Variants in LRRC7 observed in about 807,000 individuals in gnomAD.
LRRC7 encodes the protein leucine rich repeat containing 7, also known as leucine-rich repeat-containing protein 7.
Under a neutral mutation model 175.7 loss-of-function variants are expected in LRRC7, and 23 were observed. That is an observed-to-expected ratio of 0.13 (90% CI 0.09 to 0.19). LRRC7 has a LOEUF of 0.19. LRRC7 is among the 10% of genes least tolerant of loss of function. The pLI is 1.00. For missense variants in LRRC7, 1,354 were observed against 1,904.7 expected, an observed-to-expected ratio of 0.71 and a Z score of 5.38; for synonymous variants, 685 against 680.9, an observed-to-expected ratio of 1.01 and a Z score of -0.09.
At chr1:69,717,639 T>C (rs1487848679) in intron 2 of LRRC7, among the ~76,000 whole-genome samples, 1 of 151,410 alleles carries the variant, frequency 6.6e-6, no homozygotes, top group Non-Finnish European at 1.5e-5. Context: ...TTGGGCCAAC[T>C]TCATATTGAG....
intron 2 of LRRC7, among the ~76,000 whole-genome samples, chr1:69,695,920 A>T (rs967270433): frequency 6.6e-6 from 1 of 152,210 alleles, no homozygotes; most frequent in Non-Finnish European, 1.5e-5. Context: ...TGGGTGCCCA[A>T]GCAGAAACCT....
intron 3 of LRRC7, among the ~76,000 whole-genome samples, chr1:69,785,132 T>C (rs904951146): frequency 6.6e-6 from 1 of 152,164 alleles, no homozygotes; most frequent in Non-Finnish European, 1.5e-5. Context: ...TAGTCAATTA[T>C]TGAAAAATGT....
At chr1:69,778,843 T>C (rs1673119017) in intron 3 of LRRC7, among the ~76,000 whole-genome samples, 1 of 151,702 alleles carries the variant, frequency 6.6e-6, no homozygotes, top group Non-Finnish European at 1.5e-5. Context: ...TCATGACTGA[T>C]CAGGGCATAG....
intron 25 of LRRC7, among the ~76,000 whole-genome samples, chr1:70,097,342 A>T (rs1468797717): frequency 6.6e-6 from 1 of 152,204 alleles, no homozygotes; most frequent in Non-Finnish European, 1.5e-5. Flanking sequence ...GAATAAAACC[A>T]TATTAAACCT....
At chr1:69,718,144 G>GAAAGAAAGAAAGAAAGA (rs1665907548) in intron 2 of LRRC7, among the ~76,000 whole-genome samples, 1 of 96,436 alleles carries the variant, frequency 1.0e-5, no homozygotes, top group Non-Finnish European at 2.2e-5. Context: ...GAAAGAGAGA[G>GAAAGAAAGAAAGAAAGA]AAAGAAAGAA....
At chr1:69,943,080 T>C (rs577655341) in intron 8 of LRRC7, among the ~76,000 whole-genome samples, 1 of 152,232 alleles carries the variant, frequency 6.6e-6, no homozygotes, top group Non-Finnish European at 1.5e-5. Context: ...AGCCAGAAGA[T>C]TGGACAGCCC....
At position 69,792,075 on chromosome 1, in the gene LRRC7, A is replaced by G. The variant is rs1399659816; in HGVS notation, c.336A>G (p.Leu112=). Residue 112 remains leucine (L), a synonymous_variant, in exon 4 of 27, where the codon CTA becomes CTG. Coordinates refer to ENST00000651989, the MANE Select transcript of LRRC7 (RefSeq NM_001370785.2). ...QLFNCQALRK[L]SIPDNDLSNL... ...TCAACTGTCAAGCTCTACGAAAACT[A>G]AGTATTCCTGATAACGACCTTTCAA... 1 of 1,609,756 alleles carries G rather than the reference A, an allele frequency of 6.2e-7. No individual in the cohort carries two copies. The highest frequency in any genetic ancestry group is 8.5e-7 in the Non-Finnish European group (1 of 1,176,794).
rs189324892 is a variant in LRRC7, at chr1:69,833,389, A to C, written c.501-1391A>C. Reference sequence around the variant, plus strand: ...AACAGAGTAGTAAACATGATTCAGGAATTTGTGGGGCAAATAGGAAGATGT... The same window carrying C: ...AACAGAGTAGTAAACATGATTCAGGCATTTGTGGGGCAAATAGGAAGATGT... On this transcript the variant is annotated intron_variant, in intron 5 of 26. Coordinates refer to ENST00000651989, the MANE Select transcript of LRRC7 (RefSeq NM_001370785.2). Among the ~76,000 whole-genome samples, 20 of 152,216 alleles carry C rather than the reference A, an allele frequency of 1.3e-4. No individual in the cohort carries two copies. In the East Asian group the frequency reaches 3.5e-3, roughly 27 times the overall value.
intron 2 of LRRC7, among the ~76,000 whole-genome samples, chr1:69,758,973 G>A (rs1670735788): frequency 6.6e-6 from 1 of 151,842 alleles, no homozygotes; most frequent in South Asian, 2.1e-4. Flanking sequence ...TCTGTAGTTG[G>A]CAAACTGCAC....
chr1:69,895,951 G>A (rs565088540), intron 7 of LRRC7, among the ~76,000 whole-genome samples: 1 of 152,242 alleles, frequency 6.6e-6, no homozygotes, highest in South Asian at 2.1e-4. Flanking sequence ...GATAATAAAT[G>A]TCTTCATTTA....
intron 8 of LRRC7, among the ~76,000 whole-genome samples, chr1:69,955,852 C>T (rs1448514612): frequency 6.6e-6 from 1 of 151,884 alleles, no homozygotes; most frequent in East Asian, 1.9e-4. Context: ...AATTACACAG[C>T]AGCAATTAGC....
intron 10 of LRRC7, among the ~76,000 whole-genome samples, chr1:69,989,302 A>ATTAGC (rs1481954996): frequency 6.6e-6 from 1 of 152,206 alleles, no homozygotes; most frequent in African/African-American, 2.4e-5. Context: ...AGATATGTTA[A>ATTAGC]TTAGCTTGAT....
In LRRC7 at chr1:69,930,150, A is replaced by T. The variant is rs988759932; in HGVS notation, c.648-1357A>T. 2.0e-5 allele frequency among the ~76,000 whole-genome samples: 3 copies of T among 151,944 alleles called. No individual in the cohort carries two copies. The South Asian group carries it at 6.2e-4, about 32-fold the overall frequency. ...ATATGTTATTTTATTTTATTTTATT[A>T]TTTTGTTTACTCTGATTCTTCCCTG... On this transcript the variant is annotated intron_variant, in intron 7 of 26. Transcript: ENST00000651989.
chr1:69,980,285 C>A, intron 8 of LRRC7, 94 bp from the exon 9 acceptor site: 1 of 1,085,296 alleles, frequency 9.2e-7, no homozygotes. Context: ...CAAATAAAAG[C>A]TCAAGATCCA....
intron 1 of LRRC7, among the ~76,000 whole-genome samples, chr1:69,608,864 CTCTATATATA>C (rs1243046360): frequency 2.6e-3 from 57 of 21,602 alleles, no homozygotes; most frequent in East Asian, 0.013. Flanking sequence ...CTCTCTCTCT[CTCTATATATA>C]TATATATATA....
intron 2 of LRRC7, among the ~76,000 whole-genome samples, chr1:69,684,371 T>TAAAAA (rs71581200): frequency 0.21 from 31,920 of 148,762 alleles, 3,474 homozygotes; most frequent in South Asian, 0.29. Context: ...GTAGGGGAGA[T>TAAAAA]GAAGAGAAGG....
intron 7 of LRRC7, among the ~76,000 whole-genome samples, chr1:69,839,810 T>G (rs913495997): frequency 1.3e-5 from 2 of 152,026 alleles, no homozygotes; most frequent in Non-Finnish European, 2.9e-5. Context: ...AAATATGAAT[T>G]TTAAATATAA....
intron 1 of LRRC7, among the ~76,000 whole-genome samples, chr1:69,587,673 C>A (rs1646455392): frequency 6.6e-6 from 1 of 152,058 alleles, no homozygotes; most frequent in African/African-American, 2.4e-5. Flanking sequence ...GGTGGTTTCC[C>A]CCACGCTGTT....
At chr1:70,114,542 G>T (rs1369571527) in intron 26 of LRRC7, among the ~76,000 whole-genome samples, 1 of 152,012 alleles carries the variant, frequency 6.6e-6, no homozygotes, top group African/African-American at 2.4e-5. Flanking sequence ...TTAAAAATTA[G>T]CCAGGCGTGA....
Sources: allele counts gnomAD v4.1 joint callset (sites outside exome capture counted in the v4.1 genomes callset), GRCh38; gene constraint gnomAD v4.1.1; transcripts MANE v1.5; gene names NCBI Gene and HGNC (gene_info 2026-07-23, HGNC 2026-07-21).